The following FAM25A variants were observed in gnomAD, a reference collection of about 807,000 sequenced individuals.
FAM25A encodes the protein family with sequence similarity 25 member A, also known as protein FAM25A.
Under a neutral mutation model 6.6 loss-of-function variants are expected in FAM25A, and 5 were observed. That is an observed-to-expected ratio of 0.75 (90% confidence interval 0.39 to 1.59). The LOEUF (loss-of-function observed/expected upper bound fraction) is 1.59. FAM25A is among the 40% of genes most tolerant of loss of function. FAM25A has a pLI of 0.02. For synonymous variants in FAM25A, 36 were observed against 41.3 expected (o/e 0.87, Z 0.49); for missense variants, 93 against 109.7 (o/e 0.85, Z 0.68).
chr10:87,022,173 G>A (rs1845333324), intron 1 of FAM25A, 141 bp from the exon 2 acceptor site: 6 of 1,121,416 alleles, frequency 5.4e-6, no homozygotes, highest in African/African-American at 1.5e-5. Flanking sequence ...GGGATGTATA[G>A]GTCCATTGTG....
rs1410739660 is a variant in FAM25A at position 87,020,388 on chromosome 10, G to A, written c.64G>A (p.Glu22Lys). Residue 22 changes from glutamate to lysine, a missense_variant, in exon 1 of 3, where the codon GAG (glutamate) becomes AAG (lysine). By Grantham distance (56) the Glu-to-Lys change is moderately conservative. Transcript: ENST00000343959. ...GLAHRTEKAT[E>K]GAIHAVEEVV... ...GGCCCACCGCACCGAGAAGGCCACC[G>A]AGGGAGCCAGTGAGGACCTGGGGCT... The A allele has an allele frequency of 9.0e-6, 14 of 1,549,306 alleles. No individual in the cohort carries two copies. Among genetic ancestry groups the A allele is most frequent in the African/African-American group, 4.1e-5 (3 of 72,950 alleles).
intron 1 of FAM25A, among the ~76,000 whole-genome samples, chr10:87,020,956 T>A (rs572189494): frequency 3.9e-4 from 60 of 152,158 alleles, no homozygotes; most frequent in African/African-American, 1.2e-3. Flanking sequence ...GCCTCCTGAG[T>A]GTCTGGGATT....
chr10:87,023,736 C>T (rs1845353312), intron 2 of FAM25A, among the ~76,000 whole-genome samples: 1 of 147,806 alleles, frequency 6.8e-6, no homozygotes, highest in Non-Finnish European at 1.5e-5. Flanking sequence ...CAAAAACAAA[C>T]CATAAACTGG....
At chr10:87,022,783 C>T (rs1227966898) in intron 2 of FAM25A, among the ~76,000 whole-genome samples, 3 of 150,700 alleles carry the variant, frequency 2.0e-5, no homozygotes, top group South Asian at 2.1e-4. Flanking sequence ...AAAAATTAGC[C>T]GGGCATGGTG....
At chr10:87,021,120 A>T (rs950916591) in intron 1 of FAM25A, among the ~76,000 whole-genome samples, 1 of 152,128 alleles carries the variant, frequency 6.6e-6, no homozygotes, top group Non-Finnish European at 1.5e-5. Context: ...GAACCACCGC[A>T]CCTGGTCCCG....
chr10:87,023,906 GTC>G (rs1212305300), intron 2 of FAM25A, among the ~76,000 whole-genome samples: 1 of 152,092 alleles, frequency 6.6e-6, no homozygotes, highest in Non-Finnish European at 1.5e-5. Flanking sequence ...GCTCTCTGTG[GTC>G]TCTTTTATGT....
At chr10:87,023,774 A>G (rs1254108832) in intron 2 of FAM25A, among the ~76,000 whole-genome samples, 1 of 129,034 alleles carries the variant, frequency 7.7e-6, no homozygotes, top group Non-Finnish European at 1.7e-5. Context: ...GAAATTTCTC[A>G]CACTCCTGGA....
chr10:87,020,305 C>T lies in FAM25A; in HGVS notation c.-20C>T. 1 of 1,549,266 alleles carries T rather than the reference C, an allele frequency of 6.5e-7. No individual in the cohort carries two copies. Among genetic ancestry groups the T allele is most frequent in the Non-Finnish European group, 8.7e-7 (1 of 1,146,544 alleles). ...GGCCAGTCCTCAGCATCCTAGTTCA[C>T]CACTGTCTGCTGCCACACGATGCTG... On this transcript the variant is annotated 5_prime_UTR_variant, in exon 1 of 3. Coordinates refer to ENST00000343959, the MANE Select transcript of FAM25A (RefSeq NM_001146157.3).
intron 2 of FAM25A, 57 bp downstream of exon 2, chr10:87,022,433 C>T: frequency 2.6e-6 from 4 of 1,531,480 alleles, no homozygotes; most frequent in Non-Finnish European, 2.6e-6. Context: ...AAGCTAGGTG[C>T]TGGGCCAACC....
chr10:87,020,359 G>C lies in FAM25A; in HGVS notation c.35G>C (p.Gly12Ala). 3.2e-6 allele frequency: 5 copies of C among 1,549,446 alleles called. No individual in the cohort carries two copies. The highest frequency in any genetic ancestry group is 4.4e-6 in the Non-Finnish European group (5 of 1,146,820). ...GGCCTGGGGAAGCTGGCTGCCGAAG[G>C]CCTGGCCCACCGCACCGAGAAGGCC... is the stretch of plus-strand genomic sequence containing the variant. ...LGGLGKLAAEGLAHRTEKATE... is the reference protein window; with the variant it reads ...LGGLGKLAAEALAHRTEKATE... The change falls in exon 1 of 3, where the codon GGC (glycine) becomes GCC (alanine). Residue 12 changes from glycine to alanine, a missense_variant. Physicochemically the swap from Gly to Ala is moderately conservative, Grantham distance 60. Transcript: ENST00000343959.
chr10:87,021,213 C>G (rs530342031), intron 1 of FAM25A, among the ~76,000 whole-genome samples: 2 of 152,348 alleles, frequency 1.3e-5, no homozygotes, highest in African/African-American at 2.4e-5. Flanking sequence ...GTGTGAAAAA[C>G]AGTCTTGCCT....
rs541721180 is a variant in FAM25A at position 87,021,578 on chromosome 10, G to T, written c.74-736G>T. Among the ~76,000 whole-genome samples the T allele has an allele frequency of 2.6e-5, 4 of 152,260 alleles. No individual in the cohort carries two copies. The South Asian group carries it at 8.3e-4, about 32-fold the overall frequency. On this transcript the variant is annotated intron_variant, in intron 1 of 2. Transcript: ENST00000343959. ...GCCTCCACACTCGCGATGGCGCCCC[G>T]CTCCCATTTTCTCTCTCAAACTGTC...
intron 2 of FAM25A, among the ~76,000 whole-genome samples, chr10:87,023,987 C>T (rs112081305): frequency 2.0e-3 from 297 of 152,034 alleles, no homozygotes; most frequent in African/African-American, 6.7e-3. Context: ...AGGATTTCAA[C>T]GTATGAGTTT....
At chr10:87,023,271 G>T (rs1845346902) in intron 2 of FAM25A, among the ~76,000 whole-genome samples, 1 of 151,960 alleles carries the variant, frequency 6.6e-6, no homozygotes, top group Non-Finnish European at 1.5e-5. Flanking sequence ...ATGTTAAATT[G>T]ATGTGTGTGA....
At chr10:87,023,089 C>T (rs1441489334) in intron 2 of FAM25A, among the ~76,000 whole-genome samples, 10 of 143,890 alleles carry the variant, frequency 6.9e-5, no homozygotes, top group Non-Finnish European at 1.2e-4. Flanking sequence ...GGCACGGTGG[C>T]GGGTGCCTGT....
intron 1 of FAM25A, among the ~76,000 whole-genome samples, chr10:87,020,763 A>C (rs1416425658): frequency 6.6e-6 from 1 of 152,238 alleles, no homozygotes; most frequent in Non-Finnish European, 1.5e-5. Flanking sequence ...CAAGTCACCA[A>C]GTCTGTTCAA....
chr10:87,022,840 T>C (rs1412242669), intron 2 of FAM25A, among the ~76,000 whole-genome samples: 1 of 148,158 alleles, frequency 6.7e-6, no homozygotes, highest in Non-Finnish European at 1.5e-5. Context: ...GGCAGGAGAA[T>C]GGTGTGTACC....
chr10:87,024,588 A>G lies in FAM25A; in HGVS notation c.184A>G (p.Met62Val). 6.5e-7 allele frequency: 1 copy of G among 1,535,808 alleles called. No homozygotes were observed. Among genetic ancestry groups the G allele is most frequent in the Non-Finnish European group, 8.7e-7 (1 of 1,146,904 alleles). ...KKAQESGDKK[M>V]KEITETVTNT... ...AGCCCAAGAGTCAGGGGACAAAAAGATGAAGGAAATCACTGAGACAGTGAC... is the reference window on the plus strand; with the variant it reads ...AGCCCAAGAGTCAGGGGACAAAAAGGTGAAGGAAATCACTGAGACAGTGAC... Residue 62 changes from methionine to valine, a missense_variant, in exon 3 of 3, where the codon ATG becomes GTG. Coordinates refer to ENST00000343959, the MANE Select transcript of FAM25A (RefSeq NM_001146157.3).
chr10:87,022,353 A>G lies in FAM25A; in HGVS notation c.113A>G (p.His38Arg). The G allele has an allele frequency of 6.5e-7, 1 of 1,548,796 alleles. No homozygotes were observed. Among genetic ancestry groups the G allele is most frequent in the Non-Finnish European group, 8.7e-7 (1 of 1,146,658 alleles). The change falls in exon 2 of 3, where the codon CAC (histidine) becomes CGC (arginine). Residue 38 changes from histidine (H) to arginine (R), a missense_variant. By Grantham distance (29) the His-to-Arg change is conservative. Coordinates refer to ENST00000343959, the MANE Select transcript of FAM25A (RefSeq NM_001146157.3). ...VEEVVKEVVGHAKETGEKAIA... is the reference protein window; with the variant it reads ...VEEVVKEVVGRAKETGEKAIA... ...GAAGTGGTGAAGGAGGTGGTGGGAC[A>G]CGCCAAGGAGACTGGAGAGAAAGGT...
Sources: allele counts gnomAD v4.1 joint callset (sites outside exome capture counted in the v4.1 genomes callset), GRCh38; gene constraint gnomAD v4.1.1; transcripts MANE v1.5; gene names NCBI Gene and HGNC (gene_info 2026-07-23, HGNC 2026-07-21).